The following HERC4 variants were observed in gnomAD, a reference collection of about 807,000 sequenced individuals.
HERC4 encodes probable E3 ubiquitin-protein ligase HERC4.
HERC4 carries 28 observed loss-of-function variants against 124.3 expected under a neutral mutation model. The ratio of observed to expected loss-of-function variants is 0.23; its 90% CI spans 0.17 to 0.31. The LOEUF is 0.31. Among genes scored for constraint, HERC4 ranks in the 10% least tolerant of loss-of-function variants. The pLI is 1.00. For missense variants in HERC4, 713 were observed against 1,229.3 expected (o/e 0.58, Z 6.28); for synonymous variants, 407 against 421.5 (o/e 0.97, Z 0.42).
intron 15 of HERC4, among the ~76,000 whole-genome samples, chr10:67,983,334 AGAGCTACCACAT>A (rs994808236): frequency 4.6e-5 from 7 of 152,224 alleles, no homozygotes; most frequent in Non-Finnish European, 1.0e-4. Context: ...AACTAACAAT[AGAGCTACCACAT>A]GATCTAGCAA....
At chr10:68,017,237 C>T (rs925050143) in intron 8 of HERC4, among the ~76,000 whole-genome samples, 1 of 152,108 alleles carries the variant, frequency 6.6e-6, no homozygotes, top group African/African-American at 2.4e-5. Flanking sequence ...GTCCCAAGAA[C>T]GAGATATGTA....
At chr10:68,014,414 T>A (rs1031963484) in intron 8 of HERC4, among the ~76,000 whole-genome samples, 11 of 152,162 alleles carry the variant, frequency 7.2e-5, no homozygotes, top group African/African-American at 2.7e-4. Flanking sequence ...AAATTTCCAC[T>A]AATGTTTAAA....
At chr10:67,945,157 TAATC>T (rs1393989020) in intron 19 of HERC4, among the ~76,000 whole-genome samples, 1 of 152,104 alleles carries the variant, frequency 6.6e-6, no homozygotes, top group Non-Finnish European at 1.5e-5. Context: ...AGATATTTAA[TAATC>T]AAACTCCCAA....
intron 3 of HERC4, chr10:68,069,833 G>A (rs1214085904): frequency 1.5e-6 from 1 of 665,130 alleles, no homozygotes; most frequent in African/African-American, 2.0e-5. Context: ...ACAAGGTCAG[G>A]ATATCAAGAC....
intron 4 of HERC4, chr10:68,040,389 G>A (rs1341809284): frequency 1.1e-6 from 1 of 939,990 alleles, no homozygotes; most frequent in Non-Finnish European, 1.3e-6. Flanking sequence ...TATTGGCTTT[G>A]TTTTCTTTGT....
chr10:68,042,724 C>T (rs910141101), intron 4 of HERC4, among the ~76,000 whole-genome samples: 1 of 152,024 alleles, frequency 6.6e-6, no homozygotes, highest in Admixed American at 6.6e-5. Flanking sequence ...TCTAAGCCAC[C>T]TAGAAAAAGC....
At chr10:68,007,282 T>C (rs2037631108) in intron 9 of HERC4, among the ~76,000 whole-genome samples, 1 of 152,174 alleles carries the variant, frequency 6.6e-6, no homozygotes, top group Non-Finnish European at 1.5e-5. Flanking sequence ...CAATTACATT[T>C]CTAACTCCAG....
chr10:67,937,210 A>G (rs1327024383), intron 21 of HERC4, among the ~76,000 whole-genome samples: 1 of 152,190 alleles, frequency 6.6e-6, no homozygotes, highest in East Asian at 1.9e-4. Flanking sequence ...GCTCTGAAAA[A>G]GAGGAAGGTA....
At chr10:67,984,593 C>CTTTTTTTTTTTTTTTTTT (rs1207956611) in intron 15 of HERC4, among the ~76,000 whole-genome samples, 1 of 151,590 alleles carries the variant, frequency 6.6e-6, no homozygotes, top group Admixed American at 6.6e-5. Flanking sequence ...CTAGGTTTTT[C>CTTTTTTTTTTTTTTTTTT]TTTTTTTGAG....
intron 18 of HERC4, 99 bp downstream of exon 18, chr10:67,954,864 T>C (rs2034039993): frequency 1.6e-6 from 2 of 1,229,696 alleles, no homozygotes. Context: ...TATAATTTTA[T>C]TTATTAAGTT....
chr10:68,024,463 A>G (rs2038799718), intron 8 of HERC4, among the ~76,000 whole-genome samples: 1 of 152,206 alleles, frequency 6.6e-6, no homozygotes, highest in South Asian at 2.1e-4. Flanking sequence ...GCAAAGCAAC[A>G]TTATTCATAA....
intron 22 of HERC4, among the ~76,000 whole-genome samples, chr10:67,934,052 T>C (rs534525229): frequency 6.6e-5 from 10 of 152,318 alleles, no homozygotes; most frequent in African/African-American, 2.4e-4. Flanking sequence ...AAGGCAACTA[T>C]TTAACTCTTT....
chr10:68,028,146 G>T, intron 7 of HERC4, among the ~76,000 whole-genome samples: 1 of 150,442 alleles, frequency 6.6e-6, no homozygotes, highest in Non-Finnish European at 1.5e-5. Flanking sequence ...TTATGAGCTG[G>T]AATTCTTCTA....
At chr10:67,953,330 T>G (rs2033935194) in intron 19 of HERC4, among the ~76,000 whole-genome samples, 1 of 152,204 alleles carries the variant, frequency 6.6e-6, no homozygotes, top group Admixed American at 6.5e-5. Context: ...TATCTGGCTG[T>G]CTATCTATAT....
chr10:68,044,294 G>A (rs894883935), intron 4 of HERC4, 110 bp downstream of exon 4: 3 of 1,007,992 alleles, frequency 3.0e-6, no homozygotes, highest in African/African-American at 3.4e-5. Flanking sequence ...TCAAAGGGGA[G>A]AAATAATGAG....
intron 9 of HERC4, among the ~76,000 whole-genome samples, chr10:68,011,589 T>C (rs1197455806): frequency 1.3e-5 from 2 of 152,230 alleles, no homozygotes; most frequent in Non-Finnish European, 2.9e-5. Flanking sequence ...AAGAAATCTT[T>C]TTACTGAGCG....
intron 15 of HERC4, among the ~76,000 whole-genome samples, chr10:67,976,491 G>A (rs2035594289): frequency 6.6e-6 from 1 of 152,124 alleles, no homozygotes; most frequent in Non-Finnish European, 1.5e-5. Flanking sequence ...ACAGGTGGAA[G>A]AGGTGAAGCA....
intron 3 of HERC4, among the ~76,000 whole-genome samples, chr10:68,050,391 C>T (rs368603224): frequency 1.4e-4 from 22 of 152,070 alleles, no homozygotes; most frequent in African/African-American, 3.6e-4. Context: ...AAGAAACAGA[C>T]GCTTAGAGTA....
intron 9 of HERC4, among the ~76,000 whole-genome samples, chr10:68,005,997 C>G (rs1375662041): frequency 1.3e-5 from 2 of 152,182 alleles, no homozygotes; most frequent in Non-Finnish European, 2.9e-5. Context: ...CAAACAACAT[C>G]TTAACTGATG....
Sources: allele counts gnomAD v4.1 joint callset (sites outside exome capture counted in the v4.1 genomes callset), GRCh38; gene constraint gnomAD v4.1.1; transcripts MANE v1.5; gene names NCBI Gene and HGNC (gene_info 2026-07-23, HGNC 2026-07-21).